Variants in DNAH5 observed in about 807,000 individuals in gnomAD.
The protein encoded by DNAH5 is dynein axonemal heavy chain 5, also known as axonemal beta dynein heavy chain 5.
Under a neutral mutation model 518.2 loss-of-function variants are expected in DNAH5, and 372 were observed. The ratio of observed to expected loss-of-function variants is 0.72; its 90% CI spans 0.66 to 0.78. DNAH5 has a LOEUF of 0.78. Among genes scored for constraint, DNAH5 ranks in the 30% least tolerant of loss-of-function variants. DNAH5 has a pLI of 0.00. For synonymous variants in DNAH5, 2,039 were observed against 2,025.9 expected (o/e 1.01, Z -0.17); for missense variants, 5,523 against 5,687.0 (o/e 0.97, Z 0.93).
intron 1 of DNAH5, among the ~76,000 whole-genome samples, chr5:13,990,611 T>C (rs555097804): frequency 4.9e-4 from 74 of 152,024 alleles, no homozygotes; most frequent in African/African-American, 1.7e-3. Flanking sequence ...CTCATTCCTA[T>C]AATCCCAACA....
At chr5:13,817,200 T>C (rs1171481523) in intron 42 of DNAH5, among the ~76,000 whole-genome samples, 1 of 152,236 alleles carries the variant, frequency 6.6e-6, no homozygotes, top group East Asian at 1.9e-4. Context: ...TGTACTTAAA[T>C]GAGAGCAACA....
chr5:13,827,805 A>G (rs1177355351), intron 38 of DNAH5, among the ~76,000 whole-genome samples: 2 of 152,010 alleles, frequency 1.3e-5, no homozygotes, highest in Non-Finnish European at 2.9e-5. Context: ...ATTTAATCAT[A>G]GGGGCAGTTA....
intron 65 of DNAH5, among the ~76,000 whole-genome samples, chr5:13,747,910 T>C (rs1039196064): frequency 6.6e-6 from 1 of 152,244 alleles, no homozygotes; most frequent in Non-Finnish European, 1.5e-5. Context: ...ATTTTGGCTT[T>C]TGTTGCCATT....
chr5:13,745,631 G>A (rs1252080525), intron 65 of DNAH5, among the ~76,000 whole-genome samples: 1 of 152,024 alleles, frequency 6.6e-6, no homozygotes, highest in Non-Finnish European at 1.5e-5. Flanking sequence ...TCCCTTGCAT[G>A]ATCAATTACT....
chr5:13,723,605 A>C (rs902744288), intron 70 of DNAH5, among the ~76,000 whole-genome samples: 5 of 152,206 alleles, frequency 3.3e-5, no homozygotes, highest in Non-Finnish European at 5.9e-5. Context: ...GCAACTATTC[A>C]ACTCCGCCAT....
At chr5:13,905,103 T>G (rs1281135179) in intron 12 of DNAH5, among the ~76,000 whole-genome samples, 2 of 152,218 alleles carry the variant, frequency 1.3e-5, no homozygotes, top group Non-Finnish European at 2.9e-5. Flanking sequence ...AGGGAACAAT[T>G]TCTTTGGCAG....
At chr5:13,717,200 T>C in intron 73 of DNAH5, 115 bp downstream of exon 73, 1 of 988,258 alleles carries the variant, frequency 1.0e-6, no homozygotes, top group Non-Finnish European at 1.6e-6. Flanking sequence ...TAAAGATGAC[T>C]TTGCAAGCAC....
In DNAH5 at chr5:13,751,156, G is replaced by C; in HGVS notation, c.11133C>G (p.Thr3711=). ...TGGTGACAGTGAAGTCAATGATGGA[G>C]GTACGGGCACTTATCTCAGGGGTGT... The part of the protein sequence containing the change: ...PAYTPEISAR[T]SIIDFTVTMK... Residue 3711 remains threonine, a synonymous_variant, in exon 65 of 79, where the codon ACC becomes ACG. Transcript: ENST00000265104. The C allele has an allele frequency of 6.2e-7, 1 of 1,613,986 alleles. No individual in the cohort carries two copies. The highest frequency in any genetic ancestry group is 8.5e-7 in the Non-Finnish European group (1 of 1,179,946).
intron 74 of DNAH5, among the ~76,000 whole-genome samples, chr5:13,715,529 T>A (rs997280890): frequency 6.6e-6 from 1 of 152,254 alleles, no homozygotes; most frequent in East Asian, 1.9e-4. Context: ...GGCGGTAATA[T>A]ATGATAAACT....
At chr5:13,716,390 ATGTAT>A (rs1369117004) in intron 74 of DNAH5, 92 bp downstream of exon 74, 11 of 843,498 alleles carry the variant, frequency 1.3e-5, no homozygotes, top group Non-Finnish European at 2.0e-5. Flanking sequence ...CACCATTAAA[ATGTAT>A]TGTAAAAGCA....
At chr5:13,837,937 T>C (rs866743216) in intron 35 of DNAH5, among the ~76,000 whole-genome samples, 2 of 152,184 alleles carry the variant, frequency 1.3e-5, no homozygotes, top group African/African-American at 2.4e-5. Context: ...CCTGACCTTG[T>C]GTTCCACCCA....
chr5:13,810,486 C>T, intron 44 of DNAH5: 4 of 544,806 alleles, frequency 7.3e-6, no homozygotes, highest in Non-Finnish European at 1.3e-5. Context: ...CATGCCTGTA[C>T]TCCCACCACT....
intron 1 of DNAH5, among the ~76,000 whole-genome samples, chr5:13,975,897 A>G (rs1581088486): frequency 6.6e-6 from 1 of 152,310 alleles, no homozygotes; most frequent in South Asian, 2.1e-4. Context: ...TCTGCCAGGC[A>G]TGGTGGCTCA....
At chr5:13,732,983 A>G (rs2126594639) in intron 68 of DNAH5, among the ~76,000 whole-genome samples, 1 of 152,332 alleles carries the variant, frequency 6.6e-6, no homozygotes, top group East Asian at 1.9e-4. Flanking sequence ...AAGCAGTGTT[A>G]CAAACAGCTG....
chr5:13,944,501 A>G lies in DNAH5; in HGVS notation c.-63T>C. On this transcript the variant is annotated 5_prime_UTR_variant, in exon 1 of 79. Coordinates refer to ENST00000265104, the MANE Select transcript of DNAH5 (RefSeq NM_001369.3). The stretch of plus-strand genomic sequence containing the variant: ...GGAATGGTCTTCTAACTCCTGGCAG[A>G]CCTGCTCAACATCCAACAGGCTTCC... 1 of 1,429,506 alleles carries G rather than the reference A, an allele frequency of 7.0e-7. No individual in the cohort carries two copies. Among genetic ancestry groups the G allele is most frequent in the African/African-American group, 1.4e-5 (1 of 71,578 alleles). 88.6% of individuals were successfully genotyped at this position (1,429,506 alleles called of 1,614,324 possible).
intron 41 of DNAH5, among the ~76,000 whole-genome samples, chr5:13,819,241 C>G (rs544583415): frequency 6.6e-6 from 1 of 152,296 alleles, no homozygotes; most frequent in African/African-American, 2.4e-5. Context: ...AGAATCTTAA[C>G]AGCATACATG....
intron 1 of DNAH5, among the ~76,000 whole-genome samples, chr5:13,935,944 T>C (rs1467452334): frequency 2.0e-5 from 3 of 152,254 alleles, no homozygotes; most frequent in Non-Finnish European, 4.4e-5. Flanking sequence ...CACCAGTGAA[T>C]AGGGGTGGGG....
intron 1 of DNAH5, among the ~76,000 whole-genome samples, chr5:14,007,039 G>A (rs773971939): frequency 6.6e-5 from 10 of 152,126 alleles, no homozygotes; most frequent in Non-Finnish European, 1.3e-4. Context: ...GGCCCTCCAC[G>A]CCCTCTCCAT....
chr5:14,004,989 A>G (rs909907142), intron 1 of DNAH5, among the ~76,000 whole-genome samples: 2 of 152,122 alleles, frequency 1.3e-5, no homozygotes, highest in African/African-American at 4.8e-5. Flanking sequence ...GGTACTCAGC[A>G]AGGCAGCTCA....
Sources: allele counts gnomAD v4.1 joint callset (sites outside exome capture counted in the v4.1 genomes callset), GRCh38; gene constraint gnomAD v4.1.1; transcripts MANE v1.5; gene names NCBI Gene and HGNC (gene_info 2026-07-23, HGNC 2026-07-21).